The following ETV3 variants were observed in gnomAD, a reference collection of about 807,000 sequenced individuals.
ETV3 encodes ETS translocation variant 3.
A neutral mutation model predicts 33.0 loss-of-function variants in ETV3; 8 were observed. The ratio of observed to expected loss-of-function variants is 0.24; its 90% CI spans 0.14 to 0.44. The LOEUF (loss-of-function observed/expected upper bound fraction) is 0.44, where lower values mean the gene tolerates loss of function less well. Among genes scored for constraint, ETV3 ranks in the 20% least tolerant of loss-of-function variants. ETV3 has a pLI of 1.00. For synonymous variants in ETV3, 222 were observed against 238.9 expected, an observed-to-expected ratio of 0.93 and a Z score of 0.65; for missense variants, 473 against 652.3, an observed-to-expected ratio of 0.73 and a Z score of 2.99.
chr1:157,128,502 T>C, intron 4 of ETV3: 1 of 280,356 alleles, frequency 3.6e-6, no homozygotes, highest in Non-Finnish European at 7.2e-6. Context: ...CACTGGATTC[T>C]CTTACACAGA....
intron 4 of ETV3, among the ~76,000 whole-genome samples, chr1:157,131,370 G>A (rs1333442423): frequency 6.6e-6 from 1 of 152,156 alleles, no homozygotes; most frequent in East Asian, 1.9e-4. Context: ...CCCACCTTGT[G>A]GACATGATCT....
chr1:157,134,470 C>G (rs1415643212), intron 3 of ETV3, among the ~76,000 whole-genome samples: 1 of 152,222 alleles, frequency 6.6e-6, no homozygotes, highest in Non-Finnish European at 1.5e-5. Context: ...CTTTAAGATT[C>G]TGAACACTTA....
rs1000586929 is a variant in ETV3, at chr1:157,123,846, A to G, written c.*995T>C. On this transcript the variant is annotated 3_prime_UTR_variant, in exon 5 of 5. Transcript: ENST00000368192. Reference sequence around the variant, plus strand: ...ACTTAAGAAAATAAGAGAACCAGACATAATGGAAAGACCTCTTCAATAATG... The same window carrying G: ...ACTTAAGAAAATAAGAGAACCAGACGTAATGGAAAGACCTCTTCAATAATG... The G allele has an allele frequency of 5.4e-5, 8 of 148,724 alleles. 1 individual carries two copies. In the South Asian group the frequency reaches 8.8e-4, roughly 16 times the overall value. The allele number at this position is 148,724 out of a possible 1,614,324, so 9.2% of individuals were successfully genotyped here. A position where few individuals can be genotyped will look rare whatever the true frequency, so the allele number is the denominator to read the frequency against.
chr1:157,135,650 G>C lies in ETV3; in HGVS notation c.105C>G (p.Ile35Met), dbSNP rs1326421226. The part of the protein sequence containing the change: ...KTESSPGSRQ[I>M]QLWHFILELL... Reference sequence around the variant, plus strand: ...GCTCCAGGATGAAGTGCCACAGCTGGATCTGCCGGGAGCCTGGGGATGACT... The same window carrying C: ...GCTCCAGGATGAAGTGCCACAGCTGCATCTGCCGGGAGCCTGGGGATGACT... The change falls in exon 3 of 5, where the codon ATC (isoleucine) becomes ATG (methionine). Residue 35 changes from isoleucine (I) to methionine (M), a missense_variant. Ile to Met is a conservative substitution (Grantham distance 10). This residue lies in a region of ETV3 where 30 missense variants were observed against 94.9 expected (regional missense o/e 0.32). Transcript: ENST00000368192. 6.2e-7 allele frequency: 1 copy of C among 1,614,186 alleles called. No individual in the cohort carries two copies.
intron 1 of ETV3, 78 bp from the exon 2 acceptor site, chr1:157,136,443 C>T (rs992240409): frequency 3.0e-5 from 39 of 1,303,594 alleles, no homozygotes; most frequent in Non-Finnish European, 4.0e-5. Flanking sequence ...GGCAGTCTCT[C>T]CCCAAACTTC....
intron 4 of ETV3, among the ~76,000 whole-genome samples, chr1:157,127,775 G>C (rs909722910): frequency 2.6e-5 from 4 of 152,026 alleles, no homozygotes; most frequent in Non-Finnish European, 5.9e-5. Context: ...TCGAACTCCT[G>C]GCCTCAAACG....
intron 4 of ETV3, among the ~76,000 whole-genome samples, chr1:157,131,004 A>C (rs1674955846): frequency 6.6e-6 from 1 of 152,232 alleles, no homozygotes; most frequent in East Asian, 1.9e-4. Context: ...TAATCTCAAA[A>C]GATTTAAAAA....
Position 157,125,636 on chromosome 1 carries a change from A to G in ETV3, c.744T>C (p.Ala248=). 1 of 1,551,752 alleles carries G rather than the reference A, an allele frequency of 6.4e-7. No individual in the cohort carries two copies. Among genetic ancestry groups the G allele is most frequent in the Non-Finnish European group, 8.7e-7 (1 of 1,147,016 alleles). ...GMYPDPHSPF[A]VSPIPGRGGV... is the part of the protein sequence containing the mutation. ...CTCCGCGGCCAGGGATTGGAGAGAC[A>G]GCGAAGGGACTGTGGGGGTCAGGGT... is the stretch of plus-strand genomic sequence containing the variant. Residue 248 remains alanine (A), a synonymous_variant, in exon 5 of 5, where the codon GCT becomes GCC. Transcript: ENST00000368192. The surrounding 1 kb of genome is among the most constrained non-coding windows in gnomAD (Gnocchi z 4.0).
intron 4 of ETV3, chr1:157,133,208 G>A (rs1339095869): frequency 6.2e-6 from 1 of 161,912 alleles, no homozygotes; most frequent in African/African-American, 2.4e-5. Context: ...TTTTATTATT[G>A]TCATTAATCT....
At chr1:157,137,255 C>T (rs1675135220) in intron 1 of ETV3, among the ~76,000 whole-genome samples, 1 of 151,776 alleles carries the variant, frequency 6.6e-6, no homozygotes, top group Non-Finnish European at 1.5e-5. Context: ...GCAGATCTAC[C>T]CTCGCTGTTC....
intron 4 of ETV3, among the ~76,000 whole-genome samples, chr1:157,130,740 C>A (rs1385517856): frequency 6.6e-6 from 1 of 152,062 alleles, no homozygotes; most frequent in African/African-American, 2.4e-5. Flanking sequence ...ATTTGTAAAG[C>A]CCTTAGAATA....
chr1:157,130,970 C>T (rs911718744), intron 4 of ETV3, among the ~76,000 whole-genome samples: 3 of 151,842 alleles, frequency 2.0e-5, no homozygotes, highest in Non-Finnish European at 2.9e-5. Flanking sequence ...TACACAGGGA[C>T]GAAATGTCAT....
intron 4 of ETV3, chr1:157,128,567 A>C (rs1306719361): frequency 4.2e-6 from 1 of 236,992 alleles, no homozygotes; most frequent in Non-Finnish European, 8.8e-6. Flanking sequence ...GAGTATTTGG[A>C]GAATCCCAAG....
chr1:157,122,322 G>A lies in ETV3; in HGVS notation c.*2519C>T, dbSNP rs117016136. ...CCACTTCCTGAGCAACCCCAGGTTC[G>A]GCTCTGTATAAGGACCCTCCCCTCC... On this transcript the variant is annotated 3_prime_UTR_variant, in exon 5 of 5. Transcript: ENST00000368192. 1.5e-4 allele frequency: 23 copies of A among 152,206 alleles called. No individual in the cohort carries two copies. The East Asian group carries it at 1.9e-3, about 13-fold the overall frequency. 9.4% of individuals were successfully genotyped at this position (152,206 alleles called of 1,614,324 possible).
chr1:157,137,646 A>T (rs1209870267), intron 1 of ETV3, among the ~76,000 whole-genome samples: 2 of 151,738 alleles, frequency 1.3e-5, no homozygotes, highest in Non-Finnish European at 2.9e-5. Flanking sequence ...GAATTTCCCC[A>T]CTGCTCCAGG....
chr1:157,124,765 C>G lies in ETV3; in HGVS notation c.*76G>C, dbSNP rs1001599677. On this transcript the variant is annotated 3_prime_UTR_variant, in exon 5 of 5. Transcript: ENST00000368192. ...CAAACCAGTTTAACTCCCTCCCCCC[C>G]ACCCTGAAATCTTGCTACATAAATA... 9.8e-5 allele frequency: 40 copies of G among 408,030 alleles called. 3 individuals are homozygous for G. Among genetic ancestry groups the G allele is most frequent in the South Asian group, 8.5e-4 (12 of 14,094 alleles). 25.3% of individuals were successfully genotyped at this position (408,030 alleles called of 1,614,324 possible).
At chr1:157,127,029 G>T (rs1674856283) in intron 4 of ETV3, among the ~76,000 whole-genome samples, 1 of 151,088 alleles carries the variant, frequency 6.6e-6, no homozygotes, top group Non-Finnish European at 1.5e-5. Flanking sequence ...GGCTGACTGT[G>T]GGGAGGGGCA....
chr1:157,129,014 T>C (rs1292915131), intron 4 of ETV3, among the ~76,000 whole-genome samples: 1 of 152,212 alleles, frequency 6.6e-6, no homozygotes, highest in African/African-American at 2.4e-5. Flanking sequence ...TTTACATAAC[T>C]AGTTATGTGA....
chr1:157,135,758 C>G (rs1438869152), intron 2 of ETV3, 50 bp from the exon 3 acceptor site: 2 of 1,567,514 alleles, frequency 1.3e-6, no homozygotes, highest in Non-Finnish European at 1.8e-6. Flanking sequence ...TAGGTACATA[C>G]ATACCAGCAA....
Sources: allele counts gnomAD v4.1 joint callset (sites outside exome capture counted in the v4.1 genomes callset), GRCh38; gene constraint gnomAD v4.1.1; regional missense constraint gnomAD v4.1.1; non-coding constraint Gnocchi (gnomAD v3.1); transcripts MANE v1.5; gene names NCBI Gene and HGNC (gene_info 2026-07-23, HGNC 2026-07-21).